WDR7: variants seen among roughly 807,000 people sequenced by gnomAD.
WDR7 encodes the protein WD repeat-containing protein 7.
In WDR7, 46 loss-of-function variants were observed where a neutral mutation model predicts 169.4. The ratio of observed to expected loss-of-function variants is 0.27; its 90% CI spans 0.21 to 0.35. WDR7 has a LOEUF of 0.35. WDR7 is among the 10% of genes least tolerant of loss of function. WDR7 has a pLI of 1.00. For missense variants in WDR7, 1,534 were observed against 1,859.3 expected (o/e 0.83, Z 3.22); for synonymous variants, 612 against 666.8 (o/e 0.92, Z 1.27).
intron 21 of WDR7, among the ~76,000 whole-genome samples, chr18:56,898,636 A>G (rs2046361326): frequency 6.6e-6 from 1 of 152,108 alleles, no homozygotes; most frequent in Non-Finnish European, 1.5e-5. Flanking sequence ...AAACATCCCA[A>G]CTGAGAGACA....
At chr18:56,728,031 T>G (rs182489693) in intron 13 of WDR7, among the ~76,000 whole-genome samples, 1 of 152,334 alleles carries the variant, frequency 6.6e-6, no homozygotes, top group East Asian at 1.9e-4. Flanking sequence ...TGGCCAGTCG[T>G]TTTATAAAAT....
chr18:56,830,691 G>A (rs1026131524), intron 20 of WDR7, among the ~76,000 whole-genome samples: 3 of 152,180 alleles, frequency 2.0e-5, no homozygotes, highest in Non-Finnish European at 2.9e-5. Flanking sequence ...ATCTTTCAGC[G>A]GGTCTGGCTT....
rs539941195 is a variant in WDR7 at position 57,027,595 on chromosome 18, T to C, written c.*388T>C. 8.9e-6 allele frequency: 2 copies of C among 224,844 alleles called. No homozygotes were observed. The highest frequency in any genetic ancestry group is 5.6e-5 in the Admixed American group (1 of 17,958). 13.9% of individuals were successfully genotyped at this position (224,844 alleles called of 1,614,324 possible). A position where few individuals can be genotyped will look rare whatever the true frequency, so the allele number is the denominator to read the frequency against. ...TTTTTAGCCATCTCAACCGCACCTC[T>C]GAAGTGCTGCTTGAATCTGGCCGTT... is the stretch of plus-strand genomic sequence containing the variant. On this transcript the variant is annotated 3_prime_UTR_variant, in exon 28 of 28. Coordinates refer to ENST00000254442, the MANE Select transcript of WDR7 (RefSeq NM_015285.3).
chr18:56,767,829 A>C (rs924199825), intron 16 of WDR7, among the ~76,000 whole-genome samples: 9 of 152,184 alleles, frequency 5.9e-5, no homozygotes, highest in Admixed American at 2.0e-4. Flanking sequence ...TATGATTAGG[A>C]CACAACCAGC....
rs1254201598 is a variant in WDR7 at position 56,693,573 on chromosome 18, G to GT, written c.967-1030dup. 1.0e-3 allele frequency among the ~76,000 whole-genome samples: 56 copies of GT among 54,474 alleles called. 1 individual carries two copies. The highest frequency in any genetic ancestry group is 3.4e-3 in the African/African-American group (55 of 16,088). The allele number at this position is 54,474 out of a possible 152,430, so 35.7% of individuals were successfully genotyped here. On this transcript the variant is annotated intron_variant, in intron 9 of 27. Transcript: ENST00000254442. ...TTCAATTTTGTTGGTTTTTTTTTTT[G>GT]TTTTTTTTTTTTTTTTGAGATGGAG...
intron 19 of WDR7, among the ~76,000 whole-genome samples, chr18:56,808,040 A>G (rs1227328111): frequency 2.6e-5 from 4 of 152,148 alleles, no homozygotes; most frequent in African/African-American, 9.7e-5. Flanking sequence ...GTATGTGCTG[A>G]TGTGGATGTA....
intron 25 of WDR7, among the ~76,000 whole-genome samples, chr18:56,947,339 G>C (rs1191677692): frequency 6.6e-6 from 1 of 152,054 alleles, no homozygotes. Flanking sequence ...GCCTTCATAC[G>C]TCTCCTCGGT....
rs143037304 is a variant in WDR7, at chr18:56,824,945, C to T, written c.3304+8801C>T. On this transcript the variant is annotated intron_variant, in intron 20 of 27. Transcript: ENST00000254442. ...GTTGGGATGTGCTATTGGAATTGCACGAGCAGAGAACTAGACCTGATAGAA... is the reference window on the plus strand; with the variant it reads ...GTTGGGATGTGCTATTGGAATTGCATGAGCAGAGAACTAGACCTGATAGAA... Among the ~76,000 whole-genome samples the T allele has an allele frequency of 6.5e-3, 991 of 152,294 alleles. 12 individuals are homozygous for T. The highest frequency in any genetic ancestry group is 0.024 in the Middle Eastern group (7 of 294).
intron 12 of WDR7, 147 bp downstream of exon 12, chr18:56,696,609 G>C: frequency 1.4e-6 from 1 of 729,968 alleles, no homozygotes; most frequent in East Asian, 2.8e-5. Context: ...TAAAATAATA[G>C]TAACATTTAG....
intron 19 of WDR7, among the ~76,000 whole-genome samples, chr18:56,802,077 G>A (rs1339222395): frequency 6.6e-6 from 1 of 152,114 alleles, no homozygotes; most frequent in Non-Finnish European, 1.5e-5. Context: ...TACCAAGAAG[G>A]CGTGAGTTTT....
At chr18:56,821,811 A>T (rs756589673) in intron 20 of WDR7, among the ~76,000 whole-genome samples, 1 of 151,738 alleles carries the variant, frequency 6.6e-6, no homozygotes, top group East Asian at 1.9e-4. Flanking sequence ...CCTACACAAC[A>T]GGGAGATACC....
intron 14 of WDR7, among the ~76,000 whole-genome samples, chr18:56,751,475 C>T (rs2043790863): frequency 1.3e-5 from 2 of 152,126 alleles, no homozygotes; most frequent in Non-Finnish European, 2.9e-5. Context: ...CAGCTATTTC[C>T]CAGAGAGGCA....
rs2044363580 is a variant in WDR7, at chr18:56,784,415, A to G, written c.3190+2759A>G. Among the ~76,000 whole-genome samples, 4 of 152,182 alleles carry G rather than the reference A, an allele frequency of 2.6e-5. No homozygotes were observed. The South Asian group carries it at 8.3e-4, about 32-fold the overall frequency. ...TTATACCCAATACGTAGCTTTTTTT[A>G]TCCCTCACCCTTCCTCCACCCTTCC... is the stretch of plus-strand genomic sequence containing the variant. On this transcript the variant is annotated intron_variant, in intron 19 of 27. Coordinates refer to ENST00000254442, the MANE Select transcript of WDR7 (RefSeq NM_015285.3).
At chr18:56,970,519 T>A (rs1050723324) in intron 26 of WDR7, among the ~76,000 whole-genome samples, 2 of 152,216 alleles carry the variant, frequency 1.3e-5, no homozygotes, top group Non-Finnish European at 2.9e-5. Flanking sequence ...TTTAACATAC[T>A]TTTTTAGAAC....
chr18:56,825,630 A>T lies in WDR7; in HGVS notation c.3304+9486A>T, dbSNP rs186469019. Among the ~76,000 whole-genome samples, 337 of 152,354 alleles carry T rather than the reference A, an allele frequency of 2.2e-3. 2 individuals carry two copies. The highest frequency in any genetic ancestry group is 3.4e-3 in the Non-Finnish European group (234 of 68,024). Reference sequence around the variant, plus strand: ...GTGCTTTTAAATTGAAGTAATTTTTAAAAAATCAAGTCATTTATAAACCTT... The same window carrying T: ...GTGCTTTTAAATTGAAGTAATTTTTTAAAAATCAAGTCATTTATAAACCTT... On this transcript the variant is annotated intron_variant, in intron 20 of 27. Transcript: ENST00000254442.
intron 19 of WDR7, among the ~76,000 whole-genome samples, chr18:56,786,678 T>C (rs2044406179): frequency 1.3e-5 from 2 of 151,988 alleles, no homozygotes; most frequent in African/African-American, 4.8e-5. Context: ...ATGTAAACTT[T>C]TGCTGCTTAA....
chr18:56,757,537 A>T (rs1394701437), intron 15 of WDR7, among the ~76,000 whole-genome samples, 185 bp downstream of exon 15: 2 of 152,236 alleles, frequency 1.3e-5, no homozygotes, highest in East Asian at 3.8e-4. Flanking sequence ...TAATAAAATT[A>T]AACAATTTTA....
chr18:56,934,664 T>C (rs1029061147), intron 22 of WDR7, among the ~76,000 whole-genome samples: 2 of 152,108 alleles, frequency 1.3e-5, no homozygotes, highest in African/African-American at 4.8e-5. Flanking sequence ...ATGAAGAGAA[T>C]GCCTACATAA....
rs1224414087 is a variant in WDR7, at chr18:57,028,464, A to T, written c.*1257A>T. On this transcript the variant is annotated 3_prime_UTR_variant, in exon 28 of 28. Coordinates refer to ENST00000254442, the MANE Select transcript of WDR7 (RefSeq NM_015285.3). ...TATGAATTGTTTCTAACAAACCTTG[A>T]TCTGTATATACTTGTGAGGGGTTGT... The T allele has an allele frequency of 1.3e-5, 2 of 152,212 alleles. No individual in the cohort carries two copies. The highest frequency in any genetic ancestry group is 3.8e-4 in the East Asian group (2 of 5,202). 9.4% of individuals were successfully genotyped at this position (152,212 alleles called of 1,614,324 possible).
Sources: allele counts gnomAD v4.1 joint callset (sites outside exome capture counted in the v4.1 genomes callset), GRCh38; gene constraint gnomAD v4.1.1; transcripts MANE v1.5; gene names NCBI Gene and HGNC (gene_info 2026-07-23, HGNC 2026-07-21).